Variants in ENGASE observed in about 807,000 individuals in gnomAD.
ENGASE encodes the protein endo-beta-N-acetylglucosaminidase, also known as cytosolic endo-beta-N-acetylglucosaminidase.
A neutral mutation model predicts 78.5 loss-of-function variants in ENGASE; 69 were observed. The observed-to-expected ratio is 0.88, with a 90% CI of 0.72 to 1.07. The LOEUF is 1.07. ENGASE is among the 50% of genes least tolerant of loss of function. The probability of loss-of-function intolerance (pLI) is 0.00; values close to 1 mark genes in which losing one functional copy is unlikely to be tolerated. For missense variants in ENGASE, 943 were observed against 988.4 expected (o/e 0.95, Z 0.62); for synonymous variants, 408 against 408.9 (o/e 1.00, Z 0.03).
intron 7 of ENGASE, chr17:79,082,635 T>C (rs2073175466): frequency 7.7e-7 from 1 of 1,295,868 alleles, no homozygotes; most frequent in South Asian, 1.2e-5. Context: ...GCCCCAGGGA[T>C]GTTCTCAGCC....
intron 3 of ENGASE, among the ~76,000 whole-genome samples, chr17:79,078,795 G>A (rs557340371): frequency 2.0e-5 from 3 of 152,184 alleles, no homozygotes; most frequent in South Asian, 2.1e-4. Context: ...TTTCAACCCC[G>A]ACCTTCGAGT....
intron 12 of ENGASE, 113 bp downstream of exon 12, chr17:79,085,455 C>G: frequency 7.5e-7 from 1 of 1,340,044 alleles, no homozygotes; most frequent in Non-Finnish European, 1.0e-6. Context: ...TTGGGCAGCT[C>G]TGAGACAGAA....
intron 11 of ENGASE, 64 bp downstream of exon 11, chr17:79,084,750 G>C: frequency 6.4e-7 from 1 of 1,572,154 alleles, no homozygotes; most frequent in Non-Finnish European, 8.7e-7. Flanking sequence ...GAGAAGTGTG[G>C]AGAGGCTCCT....
chr17:79,082,486 G>A (rs954843682), intron 7 of ENGASE: 5 of 1,204,078 alleles, frequency 4.2e-6, no homozygotes, highest in Non-Finnish European at 4.2e-6. Flanking sequence ...GGATCGGTAG[G>A]TGTCATGACG....
In ENGASE at chr17:79,083,674, G is replaced by T; in HGVS notation, c.1251+84G>T. On this transcript the variant is annotated intron_variant, in intron 9 of 13. Coordinates refer to ENST00000579016, the MANE Select transcript of ENGASE (RefSeq NM_001042573.3). This position sits in a 1 kb window ranked among gnomAD's most constrained non-coding sequence, Gnocchi z 4.9. ...GAGCCTGGGACTTGCCAGCAGGCAC[G>T]GTGGTGGTCTTACCCTTCCCTGCCG... The T allele has an allele frequency of 1.3e-6, 2 of 1,528,270 alleles. No homozygotes were observed. Among genetic ancestry groups the T allele is most frequent in the South Asian group, 1.1e-5 (1 of 88,044 alleles). 94.7% of individuals were successfully genotyped at this position (1,528,270 alleles called of 1,614,324 possible).
intron 7 of ENGASE, chr17:79,082,564 CT>C: frequency 8.1e-7 from 1 of 1,227,480 alleles, no homozygotes; most frequent in Non-Finnish European, 1.0e-6. Flanking sequence ...GCCGGTGCCC[CT>C]GGCGTGGGAT....
At chr17:79,075,357 G>A (rs1357067272) in intron 1 of ENGASE, among the ~76,000 whole-genome samples, 1 of 152,210 alleles carries the variant, frequency 6.6e-6, no homozygotes, top group Admixed American at 6.5e-5. Context: ...GAGTGGCCGC[G>A]GGGCCCAGCG....
chr17:79,084,492 C>T (rs974714502), intron 10 of ENGASE, 46 bp from the exon 11 acceptor site: 5 of 1,498,120 alleles, frequency 3.3e-6, no homozygotes, highest in Non-Finnish European at 4.4e-6. Context: ...GCTTCGATTT[C>T]TCAGTGGTCT....
At position 79,075,596 on chromosome 17, in the gene ENGASE, G is replaced by A. The variant is rs1036912570; in HGVS notation, c.146+506G>A. The A allele has an allele frequency of 2.5e-5, 18 of 710,148 alleles. No individual in the cohort carries two copies. The African/African-American group carries it at 3.5e-4, about 14-fold the overall frequency. The allele number at this position is 710,148 out of a possible 1,614,324, so 44.0% of individuals were successfully genotyped here. ...GGGGAACAGAAAGGGCCAAAGCACAGAGACAGAAAGGGACGAACATGCCCC... is the reference window on the plus strand; with the variant it reads ...GGGGAACAGAAAGGGCCAAAGCACAAAGACAGAAAGGGACGAACATGCCCC... On this transcript the variant is annotated intron_variant, in intron 1 of 13. Transcript: ENST00000579016.
rs777991338 is a variant in ENGASE, at chr17:79,081,093, CTG to C, written c.872+23_872+24del. On this transcript the variant is annotated intron_variant, in intron 6 of 13. Transcript: ENST00000579016. ...CAACAGGTGAGCCTGCAGACAGGTG[CTG>C]TGAGGGGGCAGGTGCCGTGGTGGGG... 5.8e-4 allele frequency: 719 copies of C among 1,247,752 alleles called. No individual in the cohort carries two copies. The highest frequency in any genetic ancestry group is 1.7e-3 in the Middle Eastern group (5 of 2,926). 77.3% of individuals were successfully genotyped at this position (1,247,752 alleles called of 1,614,324 possible). A position where few individuals can be genotyped will look rare whatever the true frequency, so the allele number is the denominator to read the frequency against.
intron 1 of ENGASE, chr17:79,075,866 T>C (rs2145966075): frequency 1.0e-6 from 1 of 985,354 alleles, no homozygotes; most frequent in Non-Finnish European, 1.2e-6. Flanking sequence ...CTTTCCCTCC[T>C]AGTGGAGGAA....
Position 79,084,559 on chromosome 17 carries a change from A to G in ENGASE, c.1464A>G (p.Pro488=). ...VAVRLFSLQA[P]VPPKIYLSMV... ...CCAGGTTATTTTCCCTGCAGGCCCC[A>G]GTGCCACCCAAGATTTACCTGTCCA... The change falls in exon 11 of 14, where the codon CCA becomes CCG. Residue 488 remains proline, a synonymous_variant. Coordinates refer to ENST00000579016, the MANE Select transcript of ENGASE (RefSeq NM_001042573.3). The G allele has an allele frequency of 6.3e-7, 1 of 1,589,984 alleles. No homozygotes were observed. Among genetic ancestry groups the G allele is most frequent in the Non-Finnish European group, 8.5e-7 (1 of 1,170,942 alleles).
In ENGASE at chr17:79,084,526, CT is replaced by C; in HGVS notation, c.1443-7del. ...CTCTCCACGGCACCCATCACAGGAC[CT>C]TTTTCCCCAGGTTATTTTCCCTGCA... On this transcript the variant is annotated splice_polypyrimidine_tract_variant and intron_variant, in intron 10 of 13. Coordinates refer to ENST00000579016, the MANE Select transcript of ENGASE (RefSeq NM_001042573.3). The C allele has an allele frequency of 1.3e-5, 21 of 1,559,090 alleles. No homozygotes were observed. The highest frequency in any genetic ancestry group is 4.2e-5 in the Admixed American group (2 of 47,282).
intron 10 of ENGASE, 78 bp downstream of exon 10, chr17:79,084,029 G>A (rs1307014350): frequency 7.7e-7 from 1 of 1,292,022 alleles, no homozygotes; most frequent in Non-Finnish European, 1.1e-6. Flanking sequence ...GACAGATGGG[G>A]CAGTGGAGGC....
Position 79,086,013 on chromosome 17 carries a change from C to T in ENGASE, c.1896C>T (p.Ser632=), listed in dbSNP as rs181486094. 523 of 1,612,104 alleles carry T rather than the reference C, an allele frequency of 3.2e-4. 4 individuals carry two copies. Among genetic ancestry groups the T allele is most frequent in the Non-Finnish European group, 8.6e-5 (102 of 1,180,020 alleles). ...VTISHIRWQP[S]ASEREGPPAL... is the part of the protein sequence containing the mutation. ...TCTCTCACATCCGCTGGCAGCCATC[C>T]GCCTCTGAGCGGGAGGGGCCCCCTG... is the stretch of plus-strand genomic sequence containing the variant. The change falls in exon 14 of 14, where the codon TCC becomes TCT. Residue 632 remains serine, a synonymous_variant. Transcript: ENST00000579016.
Position 79,083,988 on chromosome 17 carries a change from T to A in ENGASE, c.1442+37T>A. The stretch of plus-strand genomic sequence containing the variant: ...ACGGAGGACGGTGGGCCCACCAGCT[T>A]CTCCCATCACACGTGGTGGCCATGG... On this transcript the variant is annotated intron_variant, in intron 10 of 13. Transcript: ENST00000579016. This position sits in a 1 kb window ranked among gnomAD's most constrained non-coding sequence, Gnocchi z 4.9. 1.9e-6 allele frequency: 3 copies of A among 1,577,580 alleles called. No individual in the cohort carries two copies. Among genetic ancestry groups the A allele is most frequent in the Non-Finnish European group, 2.6e-6 (3 of 1,156,780 alleles).
chr17:79,081,105 A>G (rs1161261270), intron 6 of ENGASE, 32 bp downstream of exon 6: 5 of 516,444 alleles, frequency 9.7e-6, no homozygotes, highest in South Asian at 6.5e-5. Flanking sequence ...GTGAGGGGGC[A>G]GGTGCCGTGG....
Position 79,086,281 on chromosome 17 carries a change from A to G in ENGASE, c.2164A>G (p.Lys722Glu), listed in dbSNP as rs557560223. The G allele has an allele frequency of 2.0e-5, 32 of 1,613,596 alleles. No homozygotes were observed. The South Asian group carries it at 3.1e-4, about 16-fold the overall frequency. Reference sequence around the variant, plus strand: ...GGAATTTCTGGTGGAGCCTGTCCCCAAGGAAGGGTTCCGGGTACCTCAGGC... The same window carrying G: ...GGAATTTCTGGTGGAGCCTGTCCCCGAGGAAGGGTTCCGGGTACCTCAGGC... ...RMEFLVEPVP[K>E]EGFRVPQAEW... Residue 722 changes from lysine (K) to glutamate (E), a missense_variant, in exon 14 of 14, where the codon AAG becomes GAG. Lys to Glu is a moderately conservative substitution (Grantham distance 56). Coordinates refer to ENST00000579016, the MANE Select transcript of ENGASE (RefSeq NM_001042573.3).
intron 1 of ENGASE, chr17:79,075,997 A>C: frequency 1.5e-6 from 1 of 662,186 alleles, no homozygotes; most frequent in Non-Finnish European, 1.9e-6. Context: ...GTGGAGAGGA[A>C]CAACTGCGGC....
Sources: gnomAD v4.1 joint callset for allele counts (sites outside exome capture counted in the v4.1 genomes callset) on GRCh38, gnomAD v4.1.1 for gene constraint, Gnocchi (gnomAD v3.1) non-coding constraint, MANE v1.5 for transcripts, NCBI Gene and HGNC (gene_info 2026-07-23, HGNC 2026-07-21) for gene names.